Variants in DENND5B observed in about 807,000 individuals in gnomAD.
DENND5B encodes the protein DENN domain-containing protein 5B.
Under a neutral mutation model 140.6 loss-of-function variants are expected in DENND5B, and 34 were observed. That is an observed-to-expected ratio of 0.24 (90% CI 0.18 to 0.32). DENND5B has a LOEUF of 0.32. DENND5B is among the 10% of genes least tolerant of loss of function. DENND5B has a pLI of 1.00. For missense variants in DENND5B, 1,142 were observed against 1,560.2 expected (o/e 0.73, Z 4.52); for synonymous variants, 551 against 562.1 (o/e 0.98, Z 0.28).
intron 1 of DENND5B, among the ~76,000 whole-genome samples, chr12:31,561,224 C>T (rs996389547): frequency 4.6e-5 from 7 of 152,282 alleles, no homozygotes; most frequent in Admixed American, 2.6e-4. Context: ...GGGCAAAGCC[C>T]GCAATTTAAA....
intron 3 of DENND5B, 65 bp from the exon 4 acceptor site, chr12:31,460,446 T>C: frequency 6.7e-7 from 1 of 1,493,228 alleles, no homozygotes; most frequent in Non-Finnish European, 9.0e-7. Context: ...TTCATTAAGC[T>C]GGAAAATGTG....
At chr12:31,521,469 T>C (rs1947882264) in intron 1 of DENND5B, among the ~76,000 whole-genome samples, 1 of 152,150 alleles carries the variant, frequency 6.6e-6, no homozygotes, top group African/African-American at 2.4e-5. Flanking sequence ...CCAATACTTA[T>C]TTTTGTAGAC....
At chr12:31,407,129 T>C (rs1192152979) in intron 14 of DENND5B, among the ~76,000 whole-genome samples, 2 of 148,138 alleles carry the variant, frequency 1.4e-5, no homozygotes, top group Non-Finnish European at 3.0e-5. Flanking sequence ...AATTAATTAA[T>C]TTATTTATTT....
intron 1 of DENND5B, chr12:31,534,828 G>C (rs1948424676): frequency 2.2e-5 from 10 of 457,636 alleles, no homozygotes; most frequent in South Asian, 1.5e-4. Flanking sequence ...TTCAGCCCTG[G>C]TTTGATGTAA....
intron 13 of DENND5B, among the ~76,000 whole-genome samples, chr12:31,412,334 A>C (rs1432979995): frequency 6.6e-6 from 1 of 152,220 alleles, no homozygotes; most frequent in East Asian, 1.9e-4. Context: ...CCCGGCTCTA[A>C]ACCAGTGGTT....
At position 31,390,044 on chromosome 12, in the gene DENND5B, C is replaced by A. The variant is rs187156938; in HGVS notation, c.3467-546G>T. 5.4e-3 allele frequency among the ~76,000 whole-genome samples: 820 copies of A among 152,124 alleles called. 6 individuals are homozygous for A. Among genetic ancestry groups the A allele is most frequent in the African/African-American group, 0.019 (805 of 41,522 alleles). On this transcript the variant is annotated intron_variant, in intron 19 of 20. Coordinates refer to ENST00000389082, the MANE Select transcript of DENND5B (RefSeq NM_144973.4). ...CTGGGGGCCTATCTCTGACAACTTTCCTTTTTTTGTCTATTCTAAGTTAGA... is the reference window on the plus strand; with the variant it reads ...CTGGGGGCCTATCTCTGACAACTTTACTTTTTTTGTCTATTCTAAGTTAGA...
At chr12:31,526,271 C>T (rs529351496) in intron 1 of DENND5B, among the ~76,000 whole-genome samples, 1 of 152,140 alleles carries the variant, frequency 6.6e-6, no homozygotes, top group Non-Finnish European at 1.5e-5. Context: ...GAAATATTTA[C>T]ATTTACCCAT....
At position 31,481,366 on chromosome 12, in the gene DENND5B, T is replaced by C. The variant is rs559132209; in HGVS notation, c.238-1111A>G. Among the ~76,000 whole-genome samples, 416 of 152,322 alleles carry C rather than the reference T, an allele frequency of 2.7e-3. 1 individual carries two copies. Among genetic ancestry groups the C allele is most frequent in the African/African-American group, 9.3e-3 (387 of 41,572 alleles). ...GATACAATGGTGGGAAGGACAGACA[T>C]GGCCCATGGTCCTATGGTATTTCCA... On this transcript the variant is annotated intron_variant, in intron 2 of 20. Coordinates refer to ENST00000389082, the MANE Select transcript of DENND5B (RefSeq NM_144973.4).
At chr12:31,554,042 T>A (rs980125207) in intron 1 of DENND5B, among the ~76,000 whole-genome samples, 2 of 152,206 alleles carry the variant, frequency 1.3e-5, no homozygotes, top group Non-Finnish European at 2.9e-5. Context: ...GTCTTTTAAT[T>A]GGAGCATTTA....
intron 1 of DENND5B, among the ~76,000 whole-genome samples, chr12:31,574,305 G>A (rs533370367): frequency 4.0e-4 from 26 of 64,870 alleles, no homozygotes; most frequent in African/African-American, 1.7e-3. Flanking sequence ...AATTTAAAAG[G>A]GAGGTGGCCA....
At chr12:31,457,752 C>A (rs1198740098) in intron 4 of DENND5B, among the ~76,000 whole-genome samples, 1 of 150,244 alleles carries the variant, frequency 6.7e-6, no homozygotes, top group Non-Finnish European at 1.5e-5. Flanking sequence ...CTCGCTCTGT[C>A]GCCCAGGCTG....
intron 8 of DENND5B, among the ~76,000 whole-genome samples, chr12:31,430,944 G>C (rs530694692): frequency 6.6e-6 from 1 of 152,312 alleles, no homozygotes; most frequent in South Asian, 2.1e-4. Flanking sequence ...AAGGGAGGCT[G>C]CCTCTGCAAA....
At chr12:31,587,983 C>T (rs1002519522) in intron 1 of DENND5B, among the ~76,000 whole-genome samples, 3 of 152,142 alleles carry the variant, frequency 2.0e-5, no homozygotes, top group Non-Finnish European at 4.4e-5. Context: ...CTGCTCAAAA[C>T]CTTCCAATAC....
chr12:31,508,672 A>C (rs1323200131), intron 1 of DENND5B, among the ~76,000 whole-genome samples: 3 of 152,188 alleles, frequency 2.0e-5, no homozygotes, highest in Non-Finnish European at 4.4e-5. Context: ...TTTGTGCTAA[A>C]CAAAAGCAGT....
intron 16 of DENND5B, 149 bp from the exon 17 acceptor site, chr12:31,398,511 A>G: frequency 4.3e-6 from 3 of 698,364 alleles, no homozygotes; most frequent in Non-Finnish European, 4.5e-6. Context: ...TACATTGCCC[A>G]GGCTGGTCTT....
chr12:31,536,743 C>T (rs1426137309), intron 1 of DENND5B, among the ~76,000 whole-genome samples: 2 of 151,916 alleles, frequency 1.3e-5, no homozygotes, highest in African/African-American at 4.8e-5. Flanking sequence ...TACAGAACAC[C>T]AAGCAGATTT....
At chr12:31,547,003 T>G (rs1269162548) in intron 1 of DENND5B, among the ~76,000 whole-genome samples, 1 of 152,248 alleles carries the variant, frequency 6.6e-6, no homozygotes. Flanking sequence ...ATGACAGTTC[T>G]GAGTTTTTCT....
chr12:31,501,892 G>A (rs1368565944), intron 1 of DENND5B, among the ~76,000 whole-genome samples: 2 of 152,116 alleles, frequency 1.3e-5, no homozygotes, highest in East Asian at 3.8e-4. Flanking sequence ...AGAGGTTAAT[G>A]ATAGGGGAAA....
In DENND5B at chr12:31,550,901, G is replaced by T. The variant is rs1466313983; in HGVS notation, c.127+39805C>A. On this transcript the variant is annotated intron_variant, in intron 1 of 20. Transcript: ENST00000389082. ...GTCTGTTCATATCCTTCGCCCACTT[G>T]TTGATGGGGTTGTTTTTTTCTTGTA... Among the ~76,000 whole-genome samples, 7 of 152,042 alleles carry T rather than the reference G, an allele frequency of 4.6e-5. No individual in the cohort carries two copies. The East Asian group carries it at 7.7e-4, about 17-fold the overall frequency.
Sources: allele counts gnomAD v4.1 joint callset (sites outside exome capture counted in the v4.1 genomes callset), GRCh38; gene constraint gnomAD v4.1.1; transcripts MANE v1.5; gene names NCBI Gene and HGNC (gene_info 2026-07-23, HGNC 2026-07-21).